Variants in ASB3 observed in about 807,000 individuals in gnomAD.
The protein encoded by ASB3 is ankyrin repeat and SOCS box protein 3.
ASB3 carries 41 observed loss-of-function variants against 54.5 expected under a neutral mutation model. The ratio of observed to expected loss-of-function variants is 0.75; its 90% CI spans 0.59 to 0.98. ASB3 has a LOEUF of 0.98. Ranked by LOEUF, ASB3 falls within the 50% of genes least tolerant of loss-of-function variation. ASB3 has a pLI of 0.00. For missense variants in ASB3, 733 were observed against 620.0 expected, an observed-to-expected ratio of 1.18 and a Z score of -1.94; for synonymous variants, 266 against 221.2, an observed-to-expected ratio of 1.20 and a Z score of -1.80.
intron 6 of ASB3, among the ~76,000 whole-genome samples, chr2:53,716,178 T>A (rs1176070617): frequency 6.6e-6 from 1 of 152,124 alleles, no homozygotes; most frequent in Non-Finnish European, 1.5e-5. Flanking sequence ...CCAACAGGCA[T>A]CACAAACTCA....
chr2:53,683,020 A>G (rs1310428115), intron 9 of ASB3, among the ~76,000 whole-genome samples: 2 of 152,132 alleles, frequency 1.3e-5, no homozygotes, highest in Non-Finnish European at 2.9e-5. Flanking sequence ...GTGTTGAATC[A>G]TAGTGGTGAA....
chr2:53,732,273 T>TA (rs1237344097), intron 3 of ASB3, among the ~76,000 whole-genome samples: 4 of 151,862 alleles, frequency 2.6e-5, no homozygotes, highest in African/African-American at 7.3e-5. Context: ...ACAACAGCTT[T>TA]AAAAAAATAA....
chr2:53,762,867 G>A (rs1396311489), intron 2 of ASB3, among the ~76,000 whole-genome samples: 1 of 152,190 alleles, frequency 6.6e-6, no homozygotes, highest in East Asian at 1.9e-4. Context: ...ACACTTGAAT[G>A]CTCTTCTCCA....
chr2:53,765,674 T>C (rs984834606), intron 1 of ASB3, 89 bp from the exon 2 acceptor site: 6 of 1,475,410 alleles, frequency 4.1e-6, no homozygotes, highest in African/African-American at 2.8e-5. Flanking sequence ...GCCTGTCTAG[T>C]ATCTCTCACA....
chr2:53,780,524 A>T (rs1183933472), intron 1 of ASB3, among the ~76,000 whole-genome samples: 1 of 152,202 alleles, frequency 6.6e-6, no homozygotes, highest in Non-Finnish European at 1.5e-5. Flanking sequence ...CGTGCCTGTA[A>T]TCTCAGCAAT....
chr2:53,783,170 TA>T (rs1354660283), intron 1 of ASB3, among the ~76,000 whole-genome samples: 1 of 151,870 alleles, frequency 6.6e-6, no homozygotes, highest in African/African-American at 2.4e-5. Context: ...GAATGGGACA[TA>T]AATATTTAAA....
chr2:53,771,287 G>T (rs935153267), intron 1 of ASB3, among the ~76,000 whole-genome samples: 2 of 152,292 alleles, frequency 1.3e-5, no homozygotes, highest in African/African-American at 4.8e-5. Context: ...GGCCGAGACG[G>T]GTGGATTACC....
rs778210606 is a variant in ASB3 at position 53,767,984 on chromosome 2, GGCAGGGCAGCACGGACCA to G, written c.-13-2417_-13-2400del. The G allele has an allele frequency of 7.3e-4, 1,180 of 1,613,762 alleles. 1 individual carries two copies. The highest frequency in any genetic ancestry group is 9.6e-4 in the Non-Finnish European group (1,127 of 1,179,946). On this transcript the variant is annotated intron_variant, in intron 1 of 9. Coordinates refer to ENST00000263634, the MANE Select transcript of ASB3 (RefSeq NM_016115.5). ...ATCACCAACTACAGCAGGCGCTTCTGGCAGGGCAGCACGGACCACCGCGGGGTCCCCGGCAAGGTGAGG... is the reference window on the plus strand; with the variant it reads ...ATCACCAACTACAGCAGGCGCTTCTGCCGCGGGGTCCCCGGCAAGGTGAGG...
intron 9 of ASB3, among the ~76,000 whole-genome samples, chr2:53,687,542 T>C (rs1408276445): frequency 6.6e-6 from 1 of 152,244 alleles, no homozygotes; most frequent in Non-Finnish European, 1.5e-5. Flanking sequence ...CTGTGAAGAA[T>C]GGGCTCTGAT....
chr2:53,781,429 G>A (rs1165841041), intron 1 of ASB3, among the ~76,000 whole-genome samples: 1 of 150,146 alleles, frequency 6.7e-6, no homozygotes, highest in Non-Finnish European at 1.5e-5. Flanking sequence ...AAAAAAAAAA[G>A]TGAGAGATGG....
chr2:53,693,829 G>T (rs915861469), intron 9 of ASB3, 55 bp downstream of exon 9: 4 of 1,576,308 alleles, frequency 2.5e-6, no homozygotes, highest in African/African-American at 2.7e-5. Context: ...AACACAGCTA[G>T]AGAAGCAAGA....
chr2:53,685,444 C>T lies in ASB3; in HGVS notation c.1369+8440G>A, dbSNP rs138780652. Among the ~76,000 whole-genome samples, 21 of 152,312 alleles carry T rather than the reference C, an allele frequency of 1.4e-4. No individual in the cohort carries two copies. In the East Asian group the frequency reaches 2.5e-3, roughly 18 times the overall value. Reference sequence around the variant, plus strand: ...GCAGGATCACCAAACTAAGGAACTACTTGTCCACCTTTCCCCCACCAGAGA... The same window carrying T: ...GCAGGATCACCAAACTAAGGAACTATTTGTCCACCTTTCCCCCACCAGAGA... On this transcript the variant is annotated intron_variant, in intron 9 of 9. Coordinates refer to ENST00000263634, the MANE Select transcript of ASB3 (RefSeq NM_016115.5).
chr2:53,784,199 A>C (rs1483051195), intron 1 of ASB3, among the ~76,000 whole-genome samples: 3 of 152,234 alleles, frequency 2.0e-5, no homozygotes, highest in Non-Finnish European at 4.4e-5. Context: ...TAAGTTTTCA[A>C]TGTTTAAGAA....
chr2:53,780,030 A>G (rs755367212), intron 1 of ASB3, among the ~76,000 whole-genome samples: 2 of 152,250 alleles, frequency 1.3e-5, no homozygotes, highest in Non-Finnish European at 2.9e-5. Context: ...GAGCCTTATC[A>G]TACATCAAGA....
intron 1 of ASB3, among the ~76,000 whole-genome samples, chr2:53,785,618 G>A (rs1365543709): frequency 6.6e-6 from 1 of 152,232 alleles, no homozygotes; most frequent in Non-Finnish European, 1.5e-5. Context: ...CGAGGAGGGC[G>A]GATCACCCGA....
At chr2:53,760,058 A>C (rs1335570486) in intron 2 of ASB3, among the ~76,000 whole-genome samples, 3 of 152,148 alleles carry the variant, frequency 2.0e-5, no homozygotes, top group African/African-American at 7.2e-5. Context: ...TACTTCTCCC[A>C]GCCACTAAGT....
intron 7 of ASB3, among the ~76,000 whole-genome samples, chr2:53,710,309 A>T (rs915144665): frequency 6.6e-6 from 1 of 152,234 alleles, no homozygotes; most frequent in Non-Finnish European, 1.5e-5. Context: ...GAGTCCATGT[A>T]GTAAATTTTT....
At chr2:53,718,293 C>T (rs1054783265) in intron 5 of ASB3, among the ~76,000 whole-genome samples, 1 of 143,014 alleles carries the variant, frequency 7.0e-6, no homozygotes, top group African/African-American at 2.6e-5. Context: ...AACGTCAGAT[C>T]ACATACAAAA....
intron 5 of ASB3, among the ~76,000 whole-genome samples, chr2:53,722,108 A>G (rs1453600487): frequency 6.6e-6 from 1 of 151,978 alleles, no homozygotes; most frequent in East Asian, 1.9e-4. Context: ...AAATCACACA[A>G]TCTCTCAAGA....
Sources: gnomAD v4.1 joint callset for allele counts (sites outside exome capture counted in the v4.1 genomes callset) on GRCh38, gnomAD v4.1.1 for gene constraint, MANE v1.5 for transcripts, NCBI Gene and HGNC (gene_info 2026-07-23, HGNC 2026-07-21) for gene names.